Variants in RIMBP2 observed in about 807,000 individuals in gnomAD.
RIMBP2 encodes RIMS-binding protein 2.
A neutral mutation model predicts 118.6 loss-of-function variants in RIMBP2; 48 were observed. The observed-to-expected ratio is 0.40, with a 90% CI of 0.32 to 0.51. The LOEUF is 0.51. RIMBP2 is among the 20% of genes least tolerant of loss of function. The pLI, the probability that RIMBP2 is intolerant of heterozygous loss-of-function variation, is 0.41. For missense variants in RIMBP2, 1,551 were observed against 1,768.3 expected, an observed-to-expected ratio of 0.88 and a Z score of 2.20; for synonymous variants, 762 against 742.9, an observed-to-expected ratio of 1.03 and a Z score of -0.42.
rs773566857 is a variant in RIMBP2 at position 130,399,833 on chromosome 12, G to A, written c.3766-20C>T. 1 of 1,613,240 alleles carries A rather than the reference G, an allele frequency of 6.2e-7. No homozygotes were observed. Among genetic ancestry groups the A allele is most frequent in the South Asian group, 1.1e-5 (1 of 91,052 alleles). On this transcript the variant is annotated intron_variant, in intron 21 of 22. Transcript: ENST00000690449. ...CTCCCCCTAAAACACCAGGGGTGAG[G>A]CAGAAGAACTATTTATTTTTCTAGA...
At position 130,617,913 on chromosome 12, in the gene RIMBP2, C is replaced by T. The variant is rs12827590; in HGVS notation, c.-217+10409G>A. The stretch of plus-strand genomic sequence containing the variant: ...GATTCTTAGAAACATCTAACTCGGC[C>T]GGGTGTGGTGGCCCACGCCTGTAAT... On this transcript the variant is annotated intron_variant, in intron 2 of 22. Coordinates refer to ENST00000690449, the MANE Select transcript of RIMBP2 (RefSeq NM_001393629.1). This position sits in a 1 kb window ranked among gnomAD's most constrained non-coding sequence, Gnocchi z 4.6. 0.15 allele frequency among the ~76,000 whole-genome samples: 22,552 copies of T among 150,468 alleles called. 1,739 individuals are homozygous for T. Among genetic ancestry groups the T allele is most frequent in the African/African-American group, 0.18 (7,387 of 40,990 alleles).
At position 130,424,663 on chromosome 12, in the gene RIMBP2, C is replaced by A. The variant is rs535584718; in HGVS notation, c.2608G>T (p.Gly870Cys). 7.3e-6 allele frequency: 9 copies of A among 1,231,986 alleles called. No individual in the cohort carries two copies. The highest frequency in any genetic ancestry group is 9.1e-6 in the Non-Finnish European group (9 of 987,886). The allele number at this position is 1,231,986 out of a possible 1,614,324, so 76.3% of individuals were successfully genotyped here. A position where few individuals can be genotyped will look rare whatever the true frequency, so the allele number is the denominator to read the frequency against. ...GCCTCGTCGCCCCTGTAGGGCCTGC[C>A]GGGCCTGGGCTCTCTGGCCAGCCCC... is the stretch of plus-strand genomic sequence containing the variant. The part of the protein sequence containing the change: ...RTGLAREPRP[G>C]RPYRGDEAPR... The change falls in exon 16 of 23, where the codon GGC becomes TGC. Residue 870 changes from glycine (G) to cysteine (C), a missense_variant. Physicochemically the swap from Gly to Cys is radical, Grantham distance 159. Transcript: ENST00000690449. This position sits in a 1 kb window ranked among gnomAD's most constrained non-coding sequence, Gnocchi z 9.8.
intron 2 of RIMBP2, among the ~76,000 whole-genome samples, chr12:130,590,858 G>A (rs1235885840): frequency 1.2e-4 from 19 of 152,128 alleles, no homozygotes; most frequent in East Asian, 3.9e-4. Context: ...GGTGTCACCC[G>A]GATGGCTGGC....
intron 7 of RIMBP2, among the ~76,000 whole-genome samples, chr12:130,455,697 G>A (rs115397904): frequency 0.012 from 1,862 of 152,228 alleles, 40 homozygotes; most frequent in African/African-American, 0.042. Context: ...AAGAACTAGG[G>A]GAAATTTGCA....
chr12:130,618,321 A>G (rs2061083470), intron 2 of RIMBP2, among the ~76,000 whole-genome samples: 1 of 152,202 alleles, frequency 6.6e-6, no homozygotes, highest in African/African-American at 2.4e-5. Context: ...AGAAGGTTAC[A>G]CGTGTTAATT....
At chr12:130,629,551 A>C (rs1211599977) in intron 1 of RIMBP2, among the ~76,000 whole-genome samples, 1 of 152,230 alleles carries the variant, frequency 6.6e-6, no homozygotes, top group East Asian at 1.9e-4. Context: ...CTCAGGACTC[A>C]CATGCAGCAG....
intron 1 of RIMBP2, among the ~76,000 whole-genome samples, chr12:130,639,482 T>C (rs2062510552): frequency 3.7e-5 from 2 of 53,518 alleles, no homozygotes; most frequent in Admixed American, 3.4e-4. Flanking sequence ...AACAAGATCC[T>C]GCCTCAAAAA....
intron 2 of RIMBP2, among the ~76,000 whole-genome samples, chr12:130,626,690 C>T (rs138110490): frequency 6.6e-6 from 1 of 150,874 alleles, no homozygotes; most frequent in Non-Finnish European, 1.5e-5. Context: ...TCTTCCATCA[C>T]AACTACTGCT....
In RIMBP2 at chr12:130,478,881, C is replaced by T. The variant is rs752519205; in HGVS notation, c.102+31G>A. On this transcript the variant is annotated intron_variant, in intron 5 of 22. Transcript: ENST00000690449. ...CGGCCCACCCGTGGACTCCCTGCCT[C>T]GCACGCCGCGCCCGGCTGCCCGCCG... The T allele has an allele frequency of 4.4e-5, 69 of 1,560,280 alleles. No homozygotes were observed. In the East Asian group the frequency reaches 1.3e-3, roughly 29 times the overall value.
At chr12:130,592,297 C>G (rs146034235) in intron 2 of RIMBP2, among the ~76,000 whole-genome samples, 1 of 152,316 alleles carries the variant, frequency 6.6e-6, no homozygotes, top group African/African-American at 2.4e-5. Flanking sequence ...GTCCCAGTGC[C>G]AGGGAGGCTG....
At chr12:130,616,865 GCA>G (rs1320492450) in intron 2 of RIMBP2, among the ~76,000 whole-genome samples, 2 of 152,220 alleles carry the variant, frequency 1.3e-5, no homozygotes, top group African/African-American at 2.4e-5. Context: ...TTGGTTTCCA[GCA>G]CAGAGGCCTG....
At chr12:130,439,130 C>CGT (rs748655683) in intron 11 of RIMBP2, among the ~76,000 whole-genome samples, 9 of 151,606 alleles carry the variant, frequency 5.9e-5, no homozygotes, top group African/African-American at 1.9e-4. Context: ...TCCATTTCTG[C>CGT]GTGTGTGTGT....
intron 3 of RIMBP2, 134 bp from the exon 4 acceptor site, chr12:130,506,904 G>T (rs890324151): frequency 4.5e-6 from 3 of 662,272 alleles, no homozygotes; most frequent in African/African-American, 3.9e-5. Context: ...CTCCATCATG[G>T]ACTGGGTCCA....
intron 1 of RIMBP2, among the ~76,000 whole-genome samples, chr12:130,639,349 A>G (rs73159122): frequency 0.11 from 15,881 of 144,556 alleles, 1,078 homozygotes; most frequent in Middle Eastern, 0.17. Context: ...AGATCACGCC[A>G]TTGCATCCCA....
chr12:130,593,056 G>A (rs1383685913), intron 2 of RIMBP2, among the ~76,000 whole-genome samples: 3 of 152,112 alleles, frequency 2.0e-5, no homozygotes, highest in Admixed American at 6.5e-5. Context: ...ATTCAGCCTC[G>A]GCTCAGTTCC....
At chr12:130,429,639 A>G (rs926934506) in intron 14 of RIMBP2, 3 of 152,118 alleles carry the variant, frequency 2.0e-5, no homozygotes, top group African/African-American at 7.2e-5. Flanking sequence ...TCTGTGACGT[A>G]TTTATCTAAA....
chr12:130,412,774 T>G lies in RIMBP2; in HGVS notation c.3434A>C (p.Lys1145Thr). 1 of 1,613,350 alleles carries G rather than the reference T, an allele frequency of 6.2e-7. No homozygotes were observed. The highest frequency in any genetic ancestry group is 8.5e-7 in the Non-Finnish European group (1 of 1,179,756). ...EGQIIKVYGD[K>T]DADGFYRGET... Reference sequence around the variant, plus strand: ...CCCACGGTAGAATCCATCAGCGTCTTTATCACCATAAACCTAGAGCCAAGG... The same window carrying G: ...CCCACGGTAGAATCCATCAGCGTCTGTATCACCATAAACCTAGAGCCAAGG... The change falls in exon 19 of 23, where the codon AAA (lysine) becomes ACA (threonine). Residue 1145 changes from lysine to threonine, a missense_variant. This residue lies in a region of RIMBP2 where 1,038 missense variants were observed against 1,125.1 expected (regional missense o/e 0.92). Transcript: ENST00000690449.
chr12:130,409,206 A>C (rs1250414099), intron 19 of RIMBP2, among the ~76,000 whole-genome samples: 2 of 152,170 alleles, frequency 1.3e-5, no homozygotes, highest in African/African-American at 4.8e-5. Flanking sequence ...ACCCCACAAC[A>C]ATCAAGATAT....
At position 130,523,546 on chromosome 12, in the gene RIMBP2, C is replaced by T. The variant is rs2052410261; in HGVS notation, c.-216-5629G>A. Among the ~76,000 whole-genome samples the T allele has an allele frequency of 1.3e-5, 2 of 152,248 alleles. No homozygotes were observed. Among genetic ancestry groups the T allele is most frequent in the Admixed American group, 1.3e-4 (2 of 15,292 alleles). ...GGGTCTTCTGAAGACACCCCCTTCC[C>T]CATCAGGAGCTCCAGTTAAATCCCC... On this transcript the variant is annotated intron_variant, in intron 2 of 22. Coordinates refer to ENST00000690449, the MANE Select transcript of RIMBP2 (RefSeq NM_001393629.1). The surrounding 1 kb of genome is among the most constrained non-coding windows in gnomAD (Gnocchi z 4.4).
Sources: allele counts gnomAD v4.1 joint callset (sites outside exome capture counted in the v4.1 genomes callset), GRCh38; gene constraint gnomAD v4.1.1; regional missense constraint gnomAD v4.1.1; non-coding constraint Gnocchi (gnomAD v3.1); transcripts MANE v1.5; gene names NCBI Gene and HGNC (gene_info 2026-07-23, HGNC 2026-07-21).